The following ATP11C variants were observed in gnomAD, a reference collection of about 807,000 sequenced individuals.
The protein encoded by ATP11C is ATPase phospholipid transporting 11C (ATP11C blood group).
A neutral mutation model predicts 97.4 loss-of-function variants in ATP11C; 36 were observed. The ratio of observed to expected loss-of-function variants is 0.37; its 90% CI spans 0.28 to 0.49. The LOEUF is 0.49. Among genes scored for constraint, ATP11C ranks in the 20% least tolerant of loss-of-function variants. ATP11C has a pLI of 0.98. For synonymous variants in ATP11C, 275 were observed against 290.9 expected, an observed-to-expected ratio of 0.95 and a Z score of 0.56; for missense variants, 730 against 824.6, an observed-to-expected ratio of 0.89 and a Z score of 1.40.
At chrX:139,923,677 T>A (rs112673151) in intron 1 of ATP11C, among the ~76,000 whole-genome samples, 26 of 112,319 alleles carry the variant, frequency 2.3e-4, no homozygotes, top group African/African-American at 8.4e-4. Flanking sequence ...AGGTGTAGCT[T>A]ACATAATCTG....
chrX:139,805,998 T>C (rs2083033678), intron 5 of ATP11C, among the ~76,000 whole-genome samples: 1 of 112,208 alleles, frequency 8.9e-6, no homozygotes, highest in Admixed American at 9.5e-5. Context: ...AGAAGAGAGA[T>C]AACAAACAGA....
chrX:139,735,447 G>A (rs1487777066), intron 28 of ATP11C, among the ~76,000 whole-genome samples: 6 of 111,577 alleles, frequency 5.4e-5, no homozygotes, highest in African/African-American at 2.0e-4. Flanking sequence ...TGACCACATC[G>A]GGGGATCTAT....
intron 12 of ATP11C, among the ~76,000 whole-genome samples, chrX:139,796,025 T>C (rs1473565694): frequency 8.9e-6 from 1 of 112,079 alleles, no homozygotes; most frequent in Non-Finnish European, 1.9e-5. Flanking sequence ...CATCACCCAG[T>C]TCCAAGGAGA....
At chrX:139,828,248 G>A (rs369705864) in intron 1 of ATP11C, among the ~76,000 whole-genome samples, 1 of 111,882 alleles carries the variant, frequency 8.9e-6, no homozygotes, top group Admixed American at 9.5e-5. Context: ...TCCTTCGCAT[G>A]CTAAGAGTAA....
intron 22 of ATP11C, among the ~76,000 whole-genome samples, chrX:139,761,377 CAT>C (rs1314035415): frequency 8.9e-6 from 1 of 111,797 alleles, no homozygotes; most frequent in Non-Finnish European, 1.9e-5. Context: ...AAAAAAAGTA[CAT>C]ATGTTAATTT....
chrX:139,882,941 G>A (rs1160038702), intron 1 of ATP11C, among the ~76,000 whole-genome samples: 1 of 111,220 alleles, frequency 9.0e-6, no homozygotes, highest in Non-Finnish European at 1.9e-5. Flanking sequence ...AATCAGTGGA[G>A]GCCTTGTATG....
At chrX:139,936,343 C>T (rs1171830333), upstream of ATP11C, among the ~76,000 whole-genome samples, 2 of 110,981 alleles carry the variant, frequency 1.8e-5, no homozygotes, top group African/African-American at 6.6e-5. Context: ...AAAGAAAACC[C>T]AGGTGTTGTA....
intron 8 of ATP11C, among the ~76,000 whole-genome samples, chrX:139,799,204 T>C: frequency 9.0e-6 from 1 of 111,372 alleles, no homozygotes; most frequent in Non-Finnish European, 1.9e-5. Flanking sequence ...AGTGTGGCTG[T>C]AAAGGCCAAG....
At chrX:139,922,728 T>C (rs186237763) in intron 1 of ATP11C, among the ~76,000 whole-genome samples, 371 of 111,800 alleles carry the variant, frequency 3.3e-3, no homozygotes, top group Non-Finnish European at 4.7e-3. Flanking sequence ...AGTTCCAGGA[T>C]TGTGAGAAAT....
At chrX:139,890,093 T>C (rs2084704552) in intron 1 of ATP11C, among the ~76,000 whole-genome samples, 1 of 111,780 alleles carries the variant, frequency 8.9e-6, no homozygotes, top group Admixed American at 9.5e-5. Flanking sequence ...AAGCTTATCT[T>C]GGCAGCAGAG....
intron 1 of ATP11C, among the ~76,000 whole-genome samples, chrX:139,920,160 C>G: frequency 9.1e-6 from 1 of 109,874 alleles, no homozygotes; most frequent in Non-Finnish European, 1.9e-5. Context: ...AGTTCAAGAC[C>G]AGCCTAGCCA....
At chrX:139,815,108 G>A in intron 4 of ATP11C, 123 bp from the exon 5 acceptor site, 1 of 389,222 alleles carries the variant, frequency 2.6e-6, no homozygotes, top group Non-Finnish European at 4.4e-6. Flanking sequence ...TTTAAACTCA[G>A]AATGCTAAAG....
At chrX:139,863,592 C>G (rs1436958602) in intron 1 of ATP11C, among the ~76,000 whole-genome samples, 1 of 111,117 alleles carries the variant, frequency 9.0e-6, no homozygotes, top group Non-Finnish European at 1.9e-5. Flanking sequence ...GGCCACAAAG[C>G]AGCCCAAATG....
At chrX:139,891,374 T>C (rs1292225067) in intron 1 of ATP11C, among the ~76,000 whole-genome samples, 1 of 111,296 alleles carries the variant, frequency 9.0e-6, no homozygotes, top group African/African-American at 3.3e-5. Context: ...AACCTACACA[T>C]GTACCCCGAA....
chrX:139,819,955 G>A (rs954189111), intron 2 of ATP11C, among the ~76,000 whole-genome samples: 4 of 111,945 alleles, frequency 3.6e-5, no homozygotes, highest in African/African-American at 1.3e-4. Context: ...GGAGGCCAAG[G>A]CAGGCAGATC....
chrX:139,859,454 A>G (rs1172242253), intron 1 of ATP11C, among the ~76,000 whole-genome samples: 1 of 112,182 alleles, frequency 8.9e-6, no homozygotes, highest in East Asian at 2.8e-4. Flanking sequence ...TATACCCCAT[A>G]AATACATTAT....
In ATP11C at chrX:139,740,873, C is replaced by T. The variant is rs7057313; in HGVS notation, c.3134+118G>A. On this transcript the variant is annotated intron_variant, in intron 27 of 29. Coordinates refer to ENST00000682941, the MANE Select transcript of ATP11C (RefSeq NM_001353812.2). ...ACCTTCAGGCCATTAATATTAAAGA[C>T]GTGTCATCTTATATAATTAAAATTT... is the stretch of plus-strand genomic sequence containing the variant. 2.1e-3 allele frequency: 913 copies of T among 441,773 alleles called. 11 individuals are homozygous for T. The highest frequency in any genetic ancestry group is 0.02 in the African/African-American group (794 of 40,333). 36.4% of individuals were successfully genotyped at this position (441,773 alleles called of 1,213,427 possible). A position where few individuals can be genotyped will look rare whatever the true frequency, so the allele number is the denominator to read the frequency against.
intron 24 of ATP11C, 72 bp from the exon 25 acceptor site, chrX:139,745,929 G>A: frequency 1.8e-6 from 2 of 1,097,247 alleles, no homozygotes; most frequent in Non-Finnish European, 2.5e-6. Context: ...TGTCAAAGGT[G>A]GGCGTGGAAT....
chrX:139,903,985 G>C (rs764327560), intron 1 of ATP11C, among the ~76,000 whole-genome samples: 1 of 111,425 alleles, frequency 9.0e-6, no homozygotes, highest in Admixed American at 9.6e-5. Flanking sequence ...CTGAATCAGG[G>C]GCCTGAGAAT....
Sources: allele counts gnomAD v4.1 joint callset (sites outside exome capture counted in the v4.1 genomes callset), GRCh38; gene constraint gnomAD v4.1.1; transcripts MANE v1.5; gene names NCBI Gene and HGNC (gene_info 2026-07-23, HGNC 2026-07-21).